Variants in GRK3 observed in about 807,000 individuals in gnomAD.
The protein encoded by GRK3 is adrenergic, beta, receptor kinase 2.
A neutral mutation model predicts 95.7 loss-of-function variants in GRK3; 54 were observed. The ratio of observed to expected loss-of-function variants is 0.56; its 90% CI spans 0.45 to 0.71. The LOEUF is 0.71. GRK3 is among the 30% of genes least tolerant of loss of function. The pLI is 0.00. For synonymous variants in GRK3, 281 were observed against 290.8 expected, an observed-to-expected ratio of 0.97 and a Z score of 0.34; for missense variants, 649 against 851.2, an observed-to-expected ratio of 0.76 and a Z score of 2.96.
intron 2 of GRK3, among the ~76,000 whole-genome samples, chr22:25,625,573 G>A (rs2084621549): frequency 6.6e-6 from 1 of 152,108 alleles, no homozygotes; most frequent in Non-Finnish European, 1.5e-5. Context: ...CTTCCCCCGG[G>A]GAAGTTTAGA....
At chr22:25,625,396 C>T (rs758944279) in intron 2 of GRK3, among the ~76,000 whole-genome samples, 10 of 152,168 alleles carry the variant, frequency 6.6e-5, no homozygotes, top group Non-Finnish European at 1.2e-4. Context: ...GACAAGAGTG[C>T]GAACTTTCTG....
intron 12 of GRK3, 150 bp downstream of exon 12, chr22:25,690,433 C>G (rs1018042890): frequency 9.5e-6 from 6 of 634,080 alleles, no homozygotes; most frequent in African/African-American, 7.3e-5. Flanking sequence ...GAGATAAGAA[C>G]AGGATGCCTT....
chr22:25,643,058 G>A (rs1433628249), intron 2 of GRK3, among the ~76,000 whole-genome samples: 3 of 152,094 alleles, frequency 2.0e-5, no homozygotes, highest in African/African-American at 7.2e-5. Flanking sequence ...AAGGACTCAC[G>A]GATCAAAGAA....
intron 1 of GRK3, among the ~76,000 whole-genome samples, chr22:25,584,620 A>G (rs1932228831): frequency 6.6e-6 from 1 of 152,288 alleles, no homozygotes; most frequent in South Asian, 2.1e-4. Flanking sequence ...GAAATTGTGA[A>G]GAGTATATTG....
In GRK3 at chr22:25,711,014, G is replaced by A; in HGVS notation, c.1396-54G>A. 5.4e-6 allele frequency: 6 copies of A among 1,115,516 alleles called. No individual in the cohort carries two copies. The East Asian group carries it at 1.4e-4, about 26-fold the overall frequency. 69.1% of individuals were successfully genotyped at this position (1,115,516 alleles called of 1,614,324 possible). A position where few individuals can be genotyped will look rare whatever the true frequency, so the allele number is the denominator to read the frequency against. ...CTGTCTTTGTAGAATGTTAGGTTGG[G>A]ACAGGGCCATACGATCATCTGAAAA... is the stretch of plus-strand genomic sequence containing the variant. On this transcript the variant is annotated intron_variant, in intron 16 of 20. Transcript: ENST00000324198.
At chr22:25,689,558 C>T (rs549907252) in intron 11 of GRK3, among the ~76,000 whole-genome samples, 1 of 152,178 alleles carries the variant, frequency 6.6e-6, no homozygotes, top group South Asian at 2.1e-4. Flanking sequence ...GTTTGTTTTT[C>T]ATGATTATGA....
intron 1 of GRK3, chr22:25,580,418 T>A (rs771723161): frequency 6.6e-6 from 1 of 152,192 alleles, no homozygotes; most frequent in Non-Finnish European, 1.5e-5. Context: ...AATTATCAAT[T>A]TGAAGGGGGA....
At chr22:25,678,702 C>T (rs1452525446) in intron 8 of GRK3, 114 bp from the exon 9 acceptor site, 1 of 539,588 alleles carries the variant, frequency 1.9e-6, no homozygotes, top group East Asian at 3.2e-5. Context: ...TATTACTCTG[C>T]TTCTTTTAAA....
At position 25,727,190 on chromosome 22, in the gene GRK3, A is replaced by T. The variant is rs1220749361; in HGVS notation, c.*4740A>T. The T allele has an allele frequency of 2.6e-5, 4 of 151,990 alleles. No homozygotes were observed. Among genetic ancestry groups the T allele is most frequent in the African/African-American group, 9.7e-5 (4 of 41,376 alleles). 9.4% of individuals were successfully genotyped at this position (151,990 alleles called of 1,614,324 possible). ...TTTTTTTAAGTAATTAACCGTTTAA[A>T]TTTTTTCCTAAAGATTTAACATGAT... On this transcript the variant is annotated 3_prime_UTR_variant, in exon 21 of 21. Transcript: ENST00000324198.
chr22:25,622,705 G>A (rs1310431031), intron 2 of GRK3, among the ~76,000 whole-genome samples: 1 of 152,188 alleles, frequency 6.6e-6, no homozygotes, highest in East Asian at 1.9e-4. Context: ...GTGGGAGCAT[G>A]GAAACAGGAA....
chr22:25,619,955 C>T (rs1175857512), intron 2 of GRK3, among the ~76,000 whole-genome samples: 1 of 151,874 alleles, frequency 6.6e-6, no homozygotes, highest in South Asian at 2.1e-4. Context: ...TTCCTTTACT[C>T]TCTCCTGCTC....
chr22:25,661,995 A>C (rs924672418), intron 4 of GRK3, among the ~76,000 whole-genome samples: 3 of 152,254 alleles, frequency 2.0e-5, no homozygotes, highest in Admixed American at 6.5e-5. Flanking sequence ...TATTATTTTA[A>C]AATGAGCTAT....
intron 8 of GRK3, among the ~76,000 whole-genome samples, chr22:25,677,103 G>A (rs1347745115): frequency 6.6e-6 from 1 of 152,220 alleles, no homozygotes. Flanking sequence ...GCTCATGCCT[G>A]TAATCCCATC....
chr22:25,710,051 C>G (rs1226517037), intron 16 of GRK3, 87 bp downstream of exon 16: 21 of 1,001,468 alleles, frequency 2.1e-5, no homozygotes, highest in Middle Eastern at 4.1e-4. Context: ...CTCTGTCTCT[C>G]TATGCACTGC....
chr22:25,612,635 T>C lies in GRK3; in HGVS notation c.190+8182T>C, dbSNP rs111880394. 2.0e-3 allele frequency among the ~76,000 whole-genome samples: 301 copies of C among 152,256 alleles called. 1 individual carries two copies. Among genetic ancestry groups the C allele is most frequent in the African/African-American group, 6.8e-3 (284 of 41,550 alleles). ...TCTTTTATTTCCTTTCAGTTTTTAC[T>C]TTTCACTTTAATTTCTTAAATGTTT... is the stretch of plus-strand genomic sequence containing the variant. On this transcript the variant is annotated intron_variant, in intron 2 of 20. Coordinates refer to ENST00000324198, the MANE Select transcript of GRK3 (RefSeq NM_005160.4).
chr22:25,583,441 G>A (rs1932178591), intron 1 of GRK3, among the ~76,000 whole-genome samples: 1 of 149,542 alleles, frequency 6.7e-6, no homozygotes, highest in Non-Finnish European at 1.5e-5. Context: ...GACTTACACA[G>A]TCCTTCCCCT....
intron 19 of GRK3, 100 bp downstream of exon 19, chr22:25,718,481 C>A: frequency 7.7e-7 from 1 of 1,295,868 alleles, no homozygotes; most frequent in Non-Finnish European, 1.1e-6. Context: ...TCCTCCGAAA[C>A]TCTGTGATTC....
chr22:25,656,262 A>G (rs890695082), intron 3 of GRK3, among the ~76,000 whole-genome samples: 5 of 152,202 alleles, frequency 3.3e-5, no homozygotes, highest in African/African-American at 1.2e-4. Flanking sequence ...AATAAATATT[A>G]TTCCAAGGTA....
rs1411387765 is a variant in GRK3 at position 25,726,911 on chromosome 22, C to CTGTG, written c.*4461_*4462insTGTG. The CTGTG allele has an allele frequency of 1.8e-5, 2 of 108,142 alleles. No individual in the cohort carries two copies. Among genetic ancestry groups the CTGTG allele is most frequent in the Admixed American group, 2.0e-4 (2 of 9,826 alleles). The allele number at this position is 108,142 out of a possible 1,614,324, so 6.7% of individuals were successfully genotyped here. On this transcript the variant is annotated 3_prime_UTR_variant, in exon 21 of 21. Transcript: ENST00000324198. The stretch of plus-strand genomic sequence containing the variant: ...ATTACCAGGCCATCTCCAAAACACC[C>CTGTG]CGTGTGTGTGTGTGTGTGTGTGTGT...
Sources: gnomAD v4.1 joint callset for allele counts (sites outside exome capture counted in the v4.1 genomes callset) on GRCh38, gnomAD v4.1.1 for gene constraint, MANE v1.5 for transcripts, NCBI Gene and HGNC (gene_info 2026-07-23, HGNC 2026-07-21) for gene names.